RPS6KA5: variants seen among roughly 807,000 people sequenced by gnomAD.
RPS6KA5 encodes the protein ribosomal protein S6 kinase alpha-5.
A neutral mutation model predicts 85.5 loss-of-function variants in RPS6KA5; 27 were observed. That is an observed-to-expected ratio of 0.32 (90% CI 0.23 to 0.44). The LOEUF (loss-of-function observed/expected upper bound fraction) is 0.44, where lower values mean the gene tolerates loss of function less well. Among genes scored for constraint, RPS6KA5 ranks in the 20% least tolerant of loss-of-function variants. RPS6KA5 has a pLI of 1.00. For missense variants in RPS6KA5, 811 were observed against 980.9 expected, an observed-to-expected ratio of 0.83 and a Z score of 2.31; for synonymous variants, 334 against 348.2, an observed-to-expected ratio of 0.96 and a Z score of 0.46.
rs534948085 is a variant in RPS6KA5, at chr14:91,029,046, C to G, written c.104-27887G>C. Among the ~76,000 whole-genome samples the G allele has an allele frequency of 3.3e-5, 5 of 152,196 alleles. No homozygotes were observed. The East Asian group carries it at 9.6e-4, about 29-fold the overall frequency. ...GGTCACACTTCTGGAAGTAAAAAGG[C>G]AAGTTTTAAAGTATCTATAATATCT... On this transcript the variant is annotated intron_variant, in intron 1 of 16. Transcript: ENST00000614987.
intron 14 of RPS6KA5, among the ~76,000 whole-genome samples, chr14:90,885,897 T>C (rs901100745): frequency 4.0e-5 from 6 of 151,848 alleles, no homozygotes; most frequent in African/African-American, 1.5e-4. Context: ...GGAGAGGATA[T>C]TGGTGATAAT....
At chr14:90,903,175 A>T (rs183778440) in intron 8 of RPS6KA5, among the ~76,000 whole-genome samples, 4 of 152,266 alleles carry the variant, frequency 2.6e-5, no homozygotes, top group African/African-American at 9.6e-5. Flanking sequence ...CTCAAAGATG[A>T]GACTATCGCT....
At chr14:90,990,979 G>C (rs1439013325) in intron 2 of RPS6KA5, among the ~76,000 whole-genome samples, 1 of 152,060 alleles carries the variant, frequency 6.6e-6, no homozygotes, top group Non-Finnish European at 1.5e-5. Flanking sequence ...ACCAGCGACA[G>C]GCAATTTATT....
chr14:90,882,550 A>G (rs980568103), intron 14 of RPS6KA5, among the ~76,000 whole-genome samples: 1 of 152,216 alleles, frequency 6.6e-6, no homozygotes, highest in African/African-American at 2.4e-5. Flanking sequence ...CATTTCTTAC[A>G]GAGCGGCGTT....
intron 3 of RPS6KA5, among the ~76,000 whole-genome samples, chr14:90,968,432 T>G (rs920368708): frequency 4.6e-5 from 7 of 152,212 alleles, no homozygotes; most frequent in Non-Finnish European, 7.3e-5. Context: ...TTAATTCTTC[T>G]TTACCATGTA....
chr14:90,854,891 CTTTA>C lies in RPS6KA5; in HGVS notation c.*17179_*17182del, dbSNP rs2032194036. ...ATTCAAAACATATAAAAAGCACTGA[CTTTA>C]TTGTACTGCAATATAAATTCTTCAC... On this transcript the variant is annotated 3_prime_UTR_variant, in exon 17 of 17. Transcript: ENST00000614987. 1.3e-5 allele frequency: 2 copies of C among 152,154 alleles called. No homozygotes were observed. The highest frequency in any genetic ancestry group is 4.8e-5 in the African/African-American group (2 of 41,454). The allele number at this position is 152,154 out of a possible 1,614,324, so 9.4% of individuals were successfully genotyped here.
At chr14:90,917,771 A>T (rs1304963841) in intron 7 of RPS6KA5, among the ~76,000 whole-genome samples, 1 of 151,872 alleles carries the variant, frequency 6.6e-6, no homozygotes, top group African/African-American at 2.4e-5. Context: ...TACATTGCCC[A>T]GGCTGACCTC....
chr14:90,897,307 T>C (rs531255719), intron 12 of RPS6KA5, among the ~76,000 whole-genome samples: 33 of 152,304 alleles, frequency 2.2e-4, no homozygotes, highest in Non-Finnish European at 4.4e-4. Context: ...AGCTTGACTT[T>C]AAGCCAATGG....
At chr14:90,977,331 C>A (rs2039611466) in intron 3 of RPS6KA5, among the ~76,000 whole-genome samples, 1 of 152,182 alleles carries the variant, frequency 6.6e-6, no homozygotes, top group Non-Finnish European at 1.5e-5. Context: ...TGGTAGAACA[C>A]TAGAAGCACT....
At chr14:90,921,025 C>T (rs2036377106) in intron 6 of RPS6KA5, among the ~76,000 whole-genome samples, 1 of 152,102 alleles carries the variant, frequency 6.6e-6, no homozygotes, top group Admixed American at 6.6e-5. Context: ...AGCCACCATG[C>T]CTGGCCTAAA....
Position 90,906,216 on chromosome 14 carries a change from T to C in RPS6KA5, c.890A>G (p.Asp297Gly). The C allele has an allele frequency of 6.2e-7, 1 of 1,613,238 alleles. No individual in the cohort carries two copies. The highest frequency in any genetic ancestry group is 8.5e-7 in the Non-Finnish European group (1 of 1,179,346). Reference protein sequence around the residue: ...KDLIQRLLMKDPKKRLGCGPR... With the variant: ...KDLIQRLLMKGPKKRLGCGPR... ...ACCACATCCCAATCTCTTCTTGGGA[T>C]CTTTCATCAAAAGACGCTGAATTAG... Residue 297 changes from aspartate to glycine, a missense_variant, in exon 8 of 17, where the codon GAT becomes GGT. Asp to Gly is a moderately conservative substitution (Grantham distance 94). Transcript: ENST00000614987.
At chr14:90,956,035 A>T (rs2038489600) in intron 3 of RPS6KA5, among the ~76,000 whole-genome samples, 1 of 152,224 alleles carries the variant, frequency 6.6e-6, no homozygotes, top group Admixed American at 6.5e-5. Context: ...AAACCGTTTA[A>T]CAACTATTTA....
At chr14:90,873,487 A>C in intron 16 of RPS6KA5, 145 bp downstream of exon 16, 1 of 753,940 alleles carries the variant, frequency 1.3e-6, no homozygotes, top group Non-Finnish European at 2.0e-6. Flanking sequence ...CCATGAAGCA[A>C]TTTATAAAAA....
chr14:91,035,087 T>TATGGAAAGACTTCA (rs1264917509), intron 1 of RPS6KA5, among the ~76,000 whole-genome samples: 1 of 151,824 alleles, frequency 6.6e-6, no homozygotes, highest in African/African-American at 2.4e-5. Context: ...TGGAAAGCTA[T>TATGGAAAGACTTCA]ATGGAAAGAC....
intron 1 of RPS6KA5, among the ~76,000 whole-genome samples, chr14:91,045,475 G>T (rs1323517194): frequency 2.0e-5 from 3 of 152,168 alleles, no homozygotes; most frequent in Non-Finnish European, 1.5e-5. Context: ...TGTTGGCCAG[G>T]CTGGTCTCGA....
chr14:90,974,037 CAAAAAA>C (rs56212923), intron 3 of RPS6KA5, among the ~76,000 whole-genome samples: 4 of 61,444 alleles, frequency 6.5e-5, no homozygotes, highest in Non-Finnish European at 8.6e-5. Context: ...GACTCCATCT[CAAAAAA>C]AAAAAAAAAA....
intron 1 of RPS6KA5, among the ~76,000 whole-genome samples, chr14:91,037,507 C>T (rs1184778443): frequency 1.3e-5 from 2 of 152,218 alleles, no homozygotes; most frequent in African/African-American, 4.8e-5. Flanking sequence ...GTCCCCTCAC[C>T]AGTGCATTCT....
At chr14:91,026,621 C>T (rs1034959539) in intron 1 of RPS6KA5, among the ~76,000 whole-genome samples, 8 of 152,212 alleles carry the variant, frequency 5.3e-5, no homozygotes, top group African/African-American at 1.9e-4. Context: ...GATGAACATA[C>T]AAGTGCATGT....
intron 4 of RPS6KA5, among the ~76,000 whole-genome samples, chr14:90,945,776 C>T (rs145529838): frequency 5.3e-5 from 8 of 152,136 alleles, no homozygotes; most frequent in Non-Finnish European, 7.3e-5. Context: ...GAGGCTGAGG[C>T]GGGCAGATTG....
Sources: gnomAD v4.1 joint callset for allele counts (sites outside exome capture counted in the v4.1 genomes callset) on GRCh38, gnomAD v4.1.1 for gene constraint, MANE v1.5 for transcripts, NCBI Gene and HGNC (gene_info 2026-07-23, HGNC 2026-07-21) for gene names.